Variants in RAB28 observed in about 807,000 individuals in gnomAD.
The protein encoded by RAB28 is ras-related protein Rab-28.
In RAB28, 24 loss-of-function variants were observed where a neutral mutation model predicts 31.7. That is an observed-to-expected ratio of 0.76 (90% confidence interval 0.55 to 1.06). The LOEUF (loss-of-function observed/expected upper bound fraction) is 1.06, where lower values mean the gene tolerates loss of function less well. Ranked by LOEUF, RAB28 falls within the 50% of genes least tolerant of loss-of-function variation. RAB28 has a pLI of 0.00. For synonymous variants in RAB28, 100 were observed against 90.4 expected (o/e 1.11, Z -0.60); for missense variants, 254 against 258.5 (o/e 0.98, Z 0.12).
chr4:13,411,485 T>C (rs1205116865), intron 4 of RAB28, among the ~76,000 whole-genome samples: 1 of 152,110 alleles, frequency 6.6e-6, no homozygotes, highest in African/African-American at 2.4e-5. Context: ...AAAATTAAGA[T>C]TAACAAAAAT....
chr4:13,477,900 G>T (rs1232451242), intron 2 of RAB28, among the ~76,000 whole-genome samples: 1 of 151,516 alleles, frequency 6.6e-6, no homozygotes, highest in Non-Finnish European at 1.5e-5. Flanking sequence ...TAAAATGTCT[G>T]AAAACCAGTC....
intron 4 of RAB28, among the ~76,000 whole-genome samples, chr4:13,382,821 C>T (rs1298609593): frequency 6.6e-6 from 1 of 151,406 alleles, no homozygotes; most frequent in Non-Finnish European, 1.5e-5. Context: ...GCCTCAGCCT[C>T]CCAAGTAGCT....
intron 4 of RAB28, among the ~76,000 whole-genome samples, chr4:13,415,044 A>G (rs1364559224): frequency 6.6e-6 from 1 of 152,246 alleles, no homozygotes; most frequent in Non-Finnish European, 1.5e-5. Flanking sequence ...AAACTGTTCA[A>G]GAATTTTAGA....
chr4:13,377,386 T>A (rs1331307994), intron 5 of RAB28, among the ~76,000 whole-genome samples: 1 of 152,196 alleles, frequency 6.6e-6, no homozygotes, highest in Non-Finnish European at 1.5e-5. Flanking sequence ...ATCAAAACTT[T>A]ATTAATTTTT....
At chr4:13,423,784 T>A (rs1400366987) in intron 4 of RAB28, among the ~76,000 whole-genome samples, 3 of 152,174 alleles carry the variant, frequency 2.0e-5, no homozygotes, top group African/African-American at 7.2e-5. Flanking sequence ...TTCCAACATT[T>A]CTGTATGTTT....
rs1208511066 is a variant in RAB28 at position 13,460,618 on chromosome 4, G to T, written c.391+81C>A. The T allele has an allele frequency of 6.5e-6, 10 of 1,532,456 alleles. No homozygotes were observed. The Admixed American group carries it at 1.4e-4, about 22-fold the overall frequency. The allele number at this position is 1,532,456 out of a possible 1,614,324, so 94.9% of individuals were successfully genotyped here. ...GGATTAGGTCTTTGACATATAAATT[G>T]GGGGTGGTGGGGGGACACAAACATT... On this transcript the variant is annotated intron_variant, in intron 4 of 6. Coordinates refer to ENST00000330852, the MANE Select transcript of RAB28 (RefSeq NM_001017979.3).
chr4:13,423,942 T>C (rs1251879414), intron 4 of RAB28, among the ~76,000 whole-genome samples: 1 of 151,904 alleles, frequency 6.6e-6, no homozygotes, highest in Non-Finnish European at 1.5e-5. Flanking sequence ...GTCATAAGCT[T>C]GGAGGTACAA....
At chr4:13,471,203 T>C (rs1003083589) in intron 3 of RAB28, among the ~76,000 whole-genome samples, 3 of 152,090 alleles carry the variant, frequency 2.0e-5, no homozygotes, top group Admixed American at 2.0e-4. Context: ...AGATAGGTAA[T>C]ATAAAGCATC....
intron 5 of RAB28, among the ~76,000 whole-genome samples, chr4:13,379,527 A>G (rs1024972671): frequency 6.6e-6 from 1 of 152,168 alleles, no homozygotes; most frequent in African/African-American, 2.4e-5. Flanking sequence ...AGAAGAGAGA[A>G]AAATGAAGAC....
intron 4 of RAB28, among the ~76,000 whole-genome samples, chr4:13,423,415 T>C (rs1713288319): frequency 6.7e-6 from 1 of 148,240 alleles, no homozygotes; most frequent in Non-Finnish European, 1.5e-5. Flanking sequence ...CAGATACCTG[T>C]AATCCCAGCT....
At chr4:13,381,818 A>G (rs2108882639) in intron 4 of RAB28, among the ~76,000 whole-genome samples, 1 of 152,250 alleles carries the variant, frequency 6.6e-6, no homozygotes, top group African/African-American at 2.4e-5. Context: ...TAATTAATCT[A>G]TGTATAATGC....
Position 13,483,841 on chromosome 4 carries a change from G to A in RAB28, c.75+235C>T, listed in dbSNP as rs188064334. Among the ~76,000 whole-genome samples, 3 of 152,334 alleles carry A rather than the reference G, an allele frequency of 2.0e-5. No individual in the cohort carries two copies. The East Asian group carries it at 5.8e-4, about 29-fold the overall frequency. On this transcript the variant is annotated intron_variant, in intron 1 of 6. Coordinates refer to ENST00000330852, the MANE Select transcript of RAB28 (RefSeq NM_001017979.3). ...GCTGGCCCGAGTCTTGCAGGAGTTC[G>A]CAATCCAGGCGGGGAGTTAGGAAGT...
At chr4:13,438,988 T>C (rs968955750) in intron 4 of RAB28, among the ~76,000 whole-genome samples, 1 of 152,186 alleles carries the variant, frequency 6.6e-6, no homozygotes, top group African/African-American at 2.4e-5. Flanking sequence ...GTGTGACATG[T>C]TGTCTTATTG....
At chr4:13,395,395 A>C in intron 4 of RAB28, among the ~76,000 whole-genome samples, 1 of 152,222 alleles carries the variant, frequency 6.6e-6, no homozygotes, top group Non-Finnish European at 1.5e-5. Context: ...TAAAGTTTAA[A>C]AATGATCCAT....
intron 6 of RAB28, among the ~76,000 whole-genome samples, chr4:13,375,968 T>C (rs1001532752): frequency 6.6e-6 from 1 of 152,182 alleles, no homozygotes; most frequent in Non-Finnish European, 1.5e-5. Context: ...AAACCACTTC[T>C]GAAGCATAAC....
intron 3 of RAB28, among the ~76,000 whole-genome samples, chr4:13,461,477 C>A (rs1337345366): frequency 6.6e-6 from 1 of 152,126 alleles, no homozygotes; most frequent in Non-Finnish European, 1.5e-5. Context: ...CCTCGAAGGG[C>A]CTATTTTTCT....
At chr4:13,426,633 T>C (rs1216640456) in intron 4 of RAB28, among the ~76,000 whole-genome samples, 2 of 152,150 alleles carry the variant, frequency 1.3e-5, no homozygotes, top group Admixed American at 6.5e-5. Context: ...CCCTTAAGAA[T>C]AGAAACTATG....
intron 4 of RAB28, among the ~76,000 whole-genome samples, chr4:13,384,988 C>A (rs190749459): frequency 6.6e-6 from 1 of 152,138 alleles, no homozygotes. Flanking sequence ...ACAGACAAAA[C>A]AGCCAGTACA....
intron 5 of RAB28, among the ~76,000 whole-genome samples, chr4:13,378,539 A>G (rs1482168163): frequency 6.6e-6 from 1 of 152,210 alleles, no homozygotes; most frequent in Non-Finnish European, 1.5e-5. Context: ...ATGTGGCATC[A>G]AGAGTTTTCT....
Sources: gnomAD v4.1 joint callset for allele counts (sites outside exome capture counted in the v4.1 genomes callset) on GRCh38, gnomAD v4.1.1 for gene constraint, MANE v1.5 for transcripts, NCBI Gene and HGNC (gene_info 2026-07-23, HGNC 2026-07-21) for gene names.